Variants in HCLS1 observed in about 807,000 individuals in gnomAD.
HCLS1 encodes the protein hematopoietic lineage cell-specific protein.
A neutral mutation model predicts 68.6 loss-of-function variants in HCLS1; 44 were observed. That is an observed-to-expected ratio of 0.64 (90% CI 0.50 to 0.82). The LOEUF is 0.82. Ranked by LOEUF, HCLS1 falls within the 40% of genes least tolerant of loss-of-function variation. The probability of loss-of-function intolerance (pLI) is 0.00; values close to 1 mark genes in which losing one functional copy is unlikely to be tolerated. For missense variants in HCLS1, 602 were observed against 612.1 expected, an observed-to-expected ratio of 0.98 and a Z score of 0.17; for synonymous variants, 217 against 225.8, an observed-to-expected ratio of 0.96 and a Z score of 0.35.
At chr3:121,637,287 A>G in intron 6 of HCLS1, 31 bp from the exon 7 acceptor site, 1 of 1,454,450 alleles carries the variant, frequency 6.9e-7, no homozygotes, top group Non-Finnish European at 9.7e-7. Context: ...ATGAGAGCCC[A>G]CCCTTAGGCT....
chr3:121,636,793 G>A (rs1218010432), intron 7 of HCLS1, among the ~76,000 whole-genome samples: 1 of 152,190 alleles, frequency 6.6e-6, no homozygotes, highest in Non-Finnish European at 1.5e-5. Context: ...ATGGGTTCCA[G>A]GGAAGCAGTA....
chr3:121,657,313 T>G lies in HCLS1; in HGVS notation c.124A>C (p.Thr42Pro). 1.2e-6 allele frequency: 2 copies of G among 1,614,080 alleles called. No homozygotes were observed. The highest frequency in any genetic ancestry group is 2.2e-5 in the South Asian group (2 of 91,084). The change falls in exon 3 of 14, where the codon ACC becomes CCC. Residue 42 changes from threonine to proline, a missense_variant. Thr to Pro is a conservative substitution (Grantham distance 38, BLOSUM62 -1). Coordinates refer to ENST00000314583, the MANE Select transcript of HCLS1 (RefSeq NM_005335.6). ...SEKEQRWGAKTIEGSGRTEHI... is the reference protein window; with the variant it reads ...SEKEQRWGAKPIEGSGRTEHI... ...TCTGTGCGTCCAGACCCCTCGATGG[T>G]CTTGGCTCCCCATCGTTGCTCCTTT... is the stretch of plus-strand genomic sequence containing the variant.
At position 121,637,204 on chromosome 3, in the gene HCLS1, GTCCCATTTA is replaced by G. The variant is rs1393627020; in HGVS notation, c.498_506del (p.Trp168_Lys170del). ...TGTAGTCATATCCCAGAGCTGCTTT[GTCCCATTTA>G]TCCTTCTCCACCCCGTACCGGCCAC... On this transcript the variant is annotated inframe_deletion, in exon 7 of 14. Transcript: ENST00000314583. The G allele has an allele frequency of 6.2e-7, 1 of 1,613,578 alleles. No individual in the cohort carries two copies. Among genetic ancestry groups the G allele is most frequent in the East Asian group, 2.2e-5 (1 of 44,864 alleles).
intron 3 of HCLS1, 136 bp downstream of exon 3, chr3:121,657,142 GA>G (rs928816575): frequency 5.8e-6 from 4 of 694,926 alleles, no homozygotes; most frequent in Non-Finnish European, 5.0e-6. Context: ...ACAGACTCTA[GA>G]AAAAAAACAA....
intron 3 of HCLS1, 83 bp from the exon 4 acceptor site, chr3:121,647,531 G>A (rs780325344): frequency 1.4e-6 from 2 of 1,439,050 alleles, no homozygotes; most frequent in Admixed American, 3.6e-5. Context: ...AAGCCTTGAA[G>A]TCTGTCCTGT....
Position 121,651,336 on chromosome 3 carries a change from A to G in HCLS1, c.159-3888T>C, listed in dbSNP as rs2107475659. The stretch of plus-strand genomic sequence containing the variant: ...TCATAAAGAAGATATATGAAGATAT[A>G]TGAATGGCAAATGAAAATATACTCA... On this transcript the variant is annotated intron_variant, in intron 3 of 13. Transcript: ENST00000314583. Among the ~76,000 whole-genome samples, 3 of 152,356 alleles carry G rather than the reference A, an allele frequency of 2.0e-5. No individual in the cohort carries two copies. In the South Asian group the frequency reaches 6.2e-4, roughly 32 times the overall value.
rs1407094569 is a variant in HCLS1, at chr3:121,631,553, C to T, written c.*293G>A. 1 of 341,906 alleles carries T rather than the reference C, an allele frequency of 2.9e-6. No homozygotes were observed. The highest frequency in any genetic ancestry group is 5.4e-6 in the Non-Finnish European group (1 of 186,336). The allele number at this position is 341,906 out of a possible 1,614,324, so 21.2% of individuals were successfully genotyped here. On this transcript the variant is annotated 3_prime_UTR_variant, in exon 14 of 14. Transcript: ENST00000314583. The stretch of plus-strand genomic sequence containing the variant: ...TTCCCGGGTAAACAAACTGGGAAGC[C>T]CAGAGCTCACAGAGGAGGAGAGCAG...
chr3:121,658,068 C>T (rs1937912483), intron 2 of HCLS1, 196 bp downstream of exon 2: 1 of 558,330 alleles, frequency 1.8e-6, no homozygotes. Flanking sequence ...ACACCTGTCT[C>T]TTTTCATCCC....
In HCLS1 at chr3:121,637,126, C is replaced by T. The variant is rs775154424; in HGVS notation, c.565+20G>A. ...ATCCCTGTGCTATCTGTGACCTTCC[C>T]CCTTCCAACCCCAACTCACCTCTCT... On this transcript the variant is annotated intron_variant, in intron 7 of 13. Transcript: ENST00000314583. 4 of 1,525,740 alleles carry T rather than the reference C, an allele frequency of 2.6e-6. No individual in the cohort carries two copies. The highest frequency in any genetic ancestry group is 3.6e-6 in the Non-Finnish European group (4 of 1,099,540). 94.5% of individuals were successfully genotyped at this position (1,525,740 alleles called of 1,614,324 possible).
At chr3:121,635,566 G>A (rs780436169) in intron 9 of HCLS1, among the ~76,000 whole-genome samples, 169 bp downstream of exon 9, 53 of 152,130 alleles carry the variant, frequency 3.5e-4, no homozygotes, top group Middle Eastern at 6.8e-3. Flanking sequence ...TGTGAGCTCC[G>A]CCTTACCTGG....
chr3:121,636,447 T>A lies in HCLS1; in HGVS notation c.608A>T (p.Asp203Val). Reference sequence around the variant, plus strand: ...CCGGTGCTTTACCTTATCCACTCGGTCCTTCTGGATTCCATACTGGCCACC... The same window carrying A: ...CCGGTGCTTTACCTTATCCACTCGGACCTTCTGGATTCCATACTGGCCACC... ...GFGGQYGIQK[D>V]RVDKSAVGFN... The change falls in exon 8 of 14, where the codon GAC (aspartate) becomes GTC (valine). Residue 203 changes from aspartate to valine, a missense_variant. Physicochemically the swap from Asp to Val is radical, Grantham distance 152. Coordinates refer to ENST00000314583, the MANE Select transcript of HCLS1 (RefSeq NM_005335.6). 1 of 1,613,372 alleles carries A rather than the reference T, an allele frequency of 6.2e-7. No individual in the cohort carries two copies.
chr3:121,644,281 T>C (rs2049225900), intron 5 of HCLS1: 1 of 222,042 alleles, frequency 4.5e-6, no homozygotes, highest in Non-Finnish European at 9.3e-6. Context: ...AATCATACGG[T>C]ACTTTTTTTT....
chr3:121,644,741 G>A (rs1020119061), intron 5 of HCLS1, 77 bp downstream of exon 5: 1 of 961,424 alleles, frequency 1.0e-6, no homozygotes, highest in African/African-American at 1.6e-5. Context: ...AGAAGCATGT[G>A]CCTCCATCCA....
At chr3:121,657,232 C>T (rs754073020) in intron 3 of HCLS1, 47 bp downstream of exon 3, 6 of 1,527,806 alleles carry the variant, frequency 3.9e-6, no homozygotes, top group African/African-American at 1.4e-5. Context: ...TTTCTTTGGG[C>T]TCTTCCCATA....
Position 121,635,744 on chromosome 3 carries a change from T to A in HCLS1, c.682A>T (p.Ile228Leu). The change falls in exon 9 of 14, where the codon ATA (isoleucine) becomes TTA (leucine). Residue 228 changes from isoleucine (I) to leucine (L), a missense_variant. Ile to Leu is a conservative substitution (Grantham distance 5). Coordinates refer to ENST00000314583, the MANE Select transcript of HCLS1 (RefSeq NM_005335.6). Reference protein sequence around the residue: ...PTTAYKKTTPIEAASSGTRGL... With the variant: ...PTTAYKKTTPLEAASSGTRGL... ...AATCACTAAGCCTCACCGGCTTCTA[T>A]GGGCGTCGTCTTCTTATAAGCTGTG... The A allele has an allele frequency of 6.2e-7, 1 of 1,613,864 alleles. No homozygotes were observed. Among genetic ancestry groups the A allele is most frequent in the South Asian group, 1.1e-5 (1 of 91,064 alleles).
intron 10 of HCLS1, 35 bp downstream of exon 10, chr3:121,634,172 T>A: frequency 6.2e-7 from 1 of 1,613,082 alleles, no homozygotes; most frequent in South Asian, 1.1e-5. Flanking sequence ...GGGCAAGAGA[T>A]CCTGGATGTG....
chr3:121,651,180 T>C (rs939453213), intron 3 of HCLS1, among the ~76,000 whole-genome samples: 3 of 152,120 alleles, frequency 2.0e-5, no homozygotes, highest in African/African-American at 7.2e-5. Context: ...AGTTATGTTC[T>C]GGGAGAATAC....
In HCLS1 at chr3:121,631,813, G is replaced by T. The variant is rs374599371; in HGVS notation, c.*33C>A. On this transcript the variant is annotated 3_prime_UTR_variant, in exon 14 of 14. Coordinates refer to ENST00000314583, the MANE Select transcript of HCLS1 (RefSeq NM_005335.6). ...GGAGGCAGAGCCACTTTGGACATGG[G>T]AAATCACAGTTGCAGTAGACAGTGA... is the stretch of plus-strand genomic sequence containing the variant. 3.1e-6 allele frequency: 5 copies of T among 1,612,520 alleles called. No homozygotes were observed. Among genetic ancestry groups the T allele is most frequent in the Admixed American group, 1.7e-5 (1 of 59,954 alleles).
chr3:121,632,687 A>C (rs1576459820), intron 11 of HCLS1, 124 bp from the exon 12 acceptor site: 1 of 774,992 alleles, frequency 1.3e-6, no homozygotes. Flanking sequence ...CCTCCATCTA[A>C]CAGCCTCTCC....
Sources: allele counts gnomAD v4.1 joint callset (sites outside exome capture counted in the v4.1 genomes callset), GRCh38; gene constraint gnomAD v4.1.1; transcripts MANE v1.5; gene names NCBI Gene and HGNC (gene_info 2026-07-23, HGNC 2026-07-21).